The following TMEM135 variants were observed in gnomAD, a reference collection of about 807,000 sequenced individuals.
The protein encoded by TMEM135 is transmembrane protein 135, also known as peroxisomal membrane protein 52.
TMEM135 carries 30 observed loss-of-function variants against 60.3 expected under a neutral mutation model. The ratio of observed to expected loss-of-function variants is 0.50; its 90% CI spans 0.37 to 0.68. TMEM135 has a LOEUF of 0.68. TMEM135 is among the 30% of genes least tolerant of loss of function. The pLI is 0.00. For missense variants in TMEM135, 468 were observed against 548.8 expected (o/e 0.85, Z 1.47); for synonymous variants, 190 against 186.7 (o/e 1.02, Z -0.14).
Position 87,328,540 on chromosome 11 carries a change from T to A in TMEM135, c.*7207T>A. ...CTCCATAGTCCATTATATCACTCTG[T>A]ATACCCTTGTGTATCCATAGCTTAG... On this transcript the variant is annotated 3_prime_UTR_variant, in exon 15 of 15. Coordinates refer to ENST00000305494, the MANE Select transcript of TMEM135 (RefSeq NM_022918.4). 1 of 454,112 alleles carries A rather than the reference T, an allele frequency of 2.2e-6. No homozygotes were observed. Among genetic ancestry groups the A allele is most frequent in the Non-Finnish European group, 4.4e-6 (1 of 226,776 alleles). The allele number at this position is 454,112 out of a possible 1,614,324, so 28.1% of individuals were successfully genotyped here.
intron 1 of TMEM135, among the ~76,000 whole-genome samples, chr11:87,057,550 G>A (rs1296495658): frequency 1.3e-5 from 2 of 152,082 alleles, no homozygotes; most frequent in Non-Finnish European, 2.9e-5. Flanking sequence ...TCATTTATAA[G>A]TAGAAGAGAA....
chr11:87,269,864 A>C (rs888172448), intron 6 of TMEM135, among the ~76,000 whole-genome samples: 3 of 142,170 alleles, frequency 2.1e-5, no homozygotes, highest in Non-Finnish European at 4.7e-5. Context: ...ATACCCAGTA[A>C]TGGGATGGCT....
chr11:87,163,656 A>G (rs1416223121), intron 5 of TMEM135, among the ~76,000 whole-genome samples: 2 of 151,528 alleles, frequency 1.3e-5, no homozygotes, highest in Non-Finnish European at 2.9e-5. Flanking sequence ...TCCCACCAAC[A>G]GTGTAAAAGT....
chr11:87,314,045 G>A (rs947352119), intron 11 of TMEM135, among the ~76,000 whole-genome samples: 3 of 151,878 alleles, frequency 2.0e-5, no homozygotes, highest in South Asian at 2.1e-4. Flanking sequence ...TATAATGAAA[G>A]CAGTGCTATG....
chr11:87,053,332 A>T (rs1414990967), intron 1 of TMEM135, among the ~76,000 whole-genome samples: 1 of 145,208 alleles, frequency 6.9e-6, no homozygotes, highest in African/African-American at 2.5e-5. Flanking sequence ...ATTGATTATG[A>T]AAAGATGATG....
chr11:87,138,028 C>T (rs186171008), intron 4 of TMEM135, among the ~76,000 whole-genome samples: 9 of 151,760 alleles, frequency 5.9e-5, no homozygotes, highest in Middle Eastern at 3.4e-3. Context: ...TGCATATTTC[C>T]TGTGTACTGA....
chr11:87,197,130 G>T (rs1477537702), intron 5 of TMEM135, among the ~76,000 whole-genome samples: 2 of 151,946 alleles, frequency 1.3e-5, no homozygotes, highest in Non-Finnish European at 2.9e-5. Context: ...AAAAATACAA[G>T]ATGTCTGTAC....
intron 6 of TMEM135, among the ~76,000 whole-genome samples, chr11:87,284,664 A>G (rs934317300): frequency 1.3e-5 from 2 of 152,252 alleles, no homozygotes; most frequent in African/African-American, 4.8e-5. Flanking sequence ...ATTTATCAGA[A>G]TAGAAAATAA....
chr11:87,243,692 T>C (rs1239877165), intron 6 of TMEM135, among the ~76,000 whole-genome samples: 8 of 85,348 alleles, frequency 9.4e-5, no homozygotes, highest in East Asian at 4.3e-4. Flanking sequence ...GTGATTTTTG[T>C]ACATTGATTT....
chr11:87,040,472 G>A (rs1949740738), intron 1 of TMEM135, among the ~76,000 whole-genome samples: 1 of 152,162 alleles, frequency 6.6e-6, no homozygotes, highest in Non-Finnish European at 1.5e-5. Flanking sequence ...CAGCCAGCTT[G>A]ACCAACATGG....
intron 4 of TMEM135, among the ~76,000 whole-genome samples, chr11:87,131,645 T>C (rs1937934909): frequency 6.6e-6 from 1 of 152,336 alleles, no homozygotes; most frequent in African/African-American, 2.4e-5. Flanking sequence ...ACCTGATTTG[T>C]GATCCTGAGT....
At chr11:87,077,644 A>T (rs1856901917) in intron 3 of TMEM135, among the ~76,000 whole-genome samples, 1 of 152,176 alleles carries the variant, frequency 6.6e-6, no homozygotes, top group African/African-American at 2.4e-5. Flanking sequence ...AAAACTGCAC[A>T]ATTCATTTGT....
intron 3 of TMEM135, among the ~76,000 whole-genome samples, chr11:87,080,411 CT>C (rs1338775346): frequency 6.6e-6 from 1 of 152,122 alleles, no homozygotes; most frequent in African/African-American, 2.4e-5. Flanking sequence ...CAAATCTCTC[CT>C]TGTTGAGAAC....
chr11:87,081,299 ATT>A (rs35860099), intron 3 of TMEM135, among the ~76,000 whole-genome samples: 50 of 149,120 alleles, frequency 3.4e-4, no homozygotes, highest in African/African-American at 1.1e-3. Context: ...GTATTGTTTG[ATT>A]TTTTTTGTTT....
intron 7 of TMEM135, among the ~76,000 whole-genome samples, chr11:87,296,434 A>T (rs1942349243): frequency 6.6e-6 from 1 of 152,214 alleles, no homozygotes; most frequent in Non-Finnish European, 1.5e-5. Context: ...CTAATTTAAC[A>T]TCACACAAGT....
At chr11:87,202,238 C>G (rs1286934353) in intron 5 of TMEM135, among the ~76,000 whole-genome samples, 1 of 152,154 alleles carries the variant, frequency 6.6e-6, no homozygotes, top group Non-Finnish European at 1.5e-5. Context: ...GTTGGCCAGG[C>G]TGGTCTCAAA....
chr11:87,148,437 C>G (rs1938471237), intron 4 of TMEM135, among the ~76,000 whole-genome samples: 1 of 152,154 alleles, frequency 6.6e-6, no homozygotes, highest in Non-Finnish European at 1.5e-5. Context: ...AAGTTGGGAA[C>G]AAAGGATTGA....
At chr11:87,046,014 T>G (rs1158841137) in intron 1 of TMEM135, among the ~76,000 whole-genome samples, 1 of 152,184 alleles carries the variant, frequency 6.6e-6, no homozygotes, top group East Asian at 1.9e-4. Flanking sequence ...GAGGGGAGAT[T>G]AGGCACATAT....
At chr11:87,250,269 A>G (rs535541511) in intron 6 of TMEM135, among the ~76,000 whole-genome samples, 1 of 151,728 alleles carries the variant, frequency 6.6e-6, no homozygotes, top group South Asian at 2.1e-4. Context: ...CATTTTTTTG[A>G]TCTTTTGTAT....
Sources: allele counts gnomAD v4.1 joint callset (sites outside exome capture counted in the v4.1 genomes callset), GRCh38; gene constraint gnomAD v4.1.1; transcripts MANE v1.5; gene names NCBI Gene and HGNC (gene_info 2026-07-23, HGNC 2026-07-21).